Variants in DGKB observed in about 807,000 individuals in gnomAD.
DGKB encodes 90 kDa diacylglycerol kinase.
DGKB carries 67 observed loss-of-function variants against 114.3 expected under a neutral mutation model. The ratio of observed to expected loss-of-function variants is 0.59; its 90% confidence interval spans 0.48 to 0.72. The LOEUF (loss-of-function observed/expected upper bound fraction) is 0.72, where lower values mean the gene tolerates loss of function less well. Among genes scored for constraint, DGKB ranks in the 30% least tolerant of loss-of-function variants. DGKB has a pLI of 0.00. For missense variants in DGKB, 907 were observed against 975.2 expected, an observed-to-expected ratio of 0.93 and a Z score of 0.93; for synonymous variants, 398 against 323.1, an observed-to-expected ratio of 1.23 and a Z score of -2.49.
At chr7:14,726,061 CAG>C (rs917255469) in intron 5 of DGKB, among the ~76,000 whole-genome samples, 1 of 152,062 alleles carries the variant, frequency 6.6e-6, no homozygotes, top group African/African-American at 2.4e-5. Context: ...TCTAAGAAAA[CAG>C]AGGAGAGAAC....
intron 13 of DGKB, among the ~76,000 whole-genome samples, chr7:14,640,253 C>T (rs1179832832): frequency 6.6e-6 from 1 of 151,948 alleles, no homozygotes; most frequent in African/African-American, 2.4e-5. Flanking sequence ...TGACAAATGC[C>T]ATGAAAGGAG....
At chr7:14,332,170 C>T (rs749249500) in intron 23 of DGKB, among the ~76,000 whole-genome samples, 4 of 152,050 alleles carry the variant, frequency 2.6e-5, no homozygotes, top group Non-Finnish European at 5.9e-5. Flanking sequence ...TTGCTACGTA[C>T]TGGCCCCTAT....
At chr7:14,754,911 C>G (rs1165980840) in intron 3 of DGKB, among the ~76,000 whole-genome samples, 1 of 152,124 alleles carries the variant, frequency 6.6e-6, no homozygotes, top group African/African-American at 2.4e-5. Context: ...TTCCTCTCCC[C>G]TATGGCTTGG....
intron 1 of DGKB, among the ~76,000 whole-genome samples, chr7:14,930,032 G>T (rs1459564018): frequency 1.3e-5 from 2 of 151,988 alleles, no homozygotes; most frequent in African/African-American, 2.4e-5. Context: ...TCTTGGCTGA[G>T]AATATGTGGC....
At chr7:14,244,669 CAA>C (rs34364672) in intron 23 of DGKB, among the ~76,000 whole-genome samples, 3,592 of 46,122 alleles carry the variant, frequency 0.078, 20 homozygotes, top group East Asian at 0.13. Flanking sequence ...GACTCTGTCT[CAA>C]AAAAAAAAAA....
chr7:14,371,083 G>T (rs1583464919), intron 21 of DGKB, among the ~76,000 whole-genome samples: 1 of 152,124 alleles, frequency 6.6e-6, no homozygotes, highest in Non-Finnish European at 1.5e-5. Context: ...TGGGCACCTA[G>T]GTTGATTCCA....
At chr7:14,851,567 T>C (rs757731749) in intron 1 of DGKB, among the ~76,000 whole-genome samples, 5 of 152,180 alleles carry the variant, frequency 3.3e-5, no homozygotes, top group Non-Finnish European at 5.9e-5. Context: ...TCACATGGTC[T>C]TCAGGAACAC....
intron 23 of DGKB, among the ~76,000 whole-genome samples, chr7:14,279,426 G>A (rs1002145488): frequency 1.3e-5 from 2 of 152,190 alleles, no homozygotes; most frequent in Admixed American, 6.5e-5. Context: ...ACCTCTGGGG[G>A]CAGGGCACAG....
At chr7:14,917,664 A>G (rs1483525356) in intron 1 of DGKB, among the ~76,000 whole-genome samples, 1 of 151,950 alleles carries the variant, frequency 6.6e-6, no homozygotes, top group Non-Finnish European at 1.5e-5. Context: ...CCATTCCCAG[A>G]CAGTTTCATT....
intron 1 of DGKB, among the ~76,000 whole-genome samples, chr7:14,923,638 G>T (rs1784613187): frequency 6.6e-6 from 1 of 151,850 alleles, no homozygotes; most frequent in African/African-American, 2.4e-5. Context: ...ATTCATTCTT[G>T]CATTTCTCCA....
At chr7:14,363,279 C>T (rs1816076082) in intron 21 of DGKB, among the ~76,000 whole-genome samples, 2 of 152,130 alleles carry the variant, frequency 1.3e-5, no homozygotes, top group South Asian at 4.1e-4. Context: ...AGACACTGTG[C>T]TAAATACCAC....
At chr7:14,702,846 ATAAT>A (rs1261460273) in intron 6 of DGKB, among the ~76,000 whole-genome samples, 1 of 152,204 alleles carries the variant, frequency 6.6e-6, no homozygotes, top group Non-Finnish European at 1.5e-5. Context: ...AATAAGATGC[ATAAT>A]TAGTCTATAT....
intron 17 of DGKB, among the ~76,000 whole-genome samples, chr7:14,604,019 A>C (rs1804028321): frequency 6.6e-6 from 1 of 152,148 alleles, no homozygotes; most frequent in African/African-American, 2.4e-5. Context: ...TAGTGAAGGA[A>C]AACATATTGT....
intron 21 of DGKB, among the ~76,000 whole-genome samples, chr7:14,471,072 C>T (rs912626643): frequency 6.6e-5 from 10 of 150,526 alleles, no homozygotes; most frequent in African/African-American, 2.4e-4. Flanking sequence ...TTCTATTACT[C>T]TAGTCTGTGG....
chr7:14,866,211 T>C (rs932166327), intron 1 of DGKB, among the ~76,000 whole-genome samples: 3 of 152,148 alleles, frequency 2.0e-5, no homozygotes, highest in African/African-American at 7.2e-5. Flanking sequence ...CTTTTTAAAA[T>C]TCCCCACCAG....
At chr7:14,422,793 T>C (rs1826917022) in intron 21 of DGKB, among the ~76,000 whole-genome samples, 1 of 151,942 alleles carries the variant, frequency 6.6e-6, no homozygotes, top group Admixed American at 6.6e-5. Flanking sequence ...ATGAGCATGA[T>C]AATAATAATA....
At chr7:14,477,482 T>C (rs1563275050) in intron 21 of DGKB, among the ~76,000 whole-genome samples, 1 of 152,224 alleles carries the variant, frequency 6.6e-6, no homozygotes, top group Admixed American at 6.5e-5. Flanking sequence ...TCACTTCTTC[T>C]GCCCCACTTT....
intron 23 of DGKB, among the ~76,000 whole-genome samples, chr7:14,330,288 C>G (rs951234052): frequency 1.2e-4 from 18 of 151,880 alleles, no homozygotes; most frequent in African/African-American, 4.3e-4. Flanking sequence ...CAAAATGCGA[C>G]TGGTACTAAA....
chr7:14,874,227 G>C (rs1852915783), intron 1 of DGKB, among the ~76,000 whole-genome samples: 1 of 151,930 alleles, frequency 6.6e-6, no homozygotes, highest in Non-Finnish European at 1.5e-5. Flanking sequence ...TAAGTCTCAG[G>C]CTCTTTGGCT....
Sources: allele counts gnomAD v4.1 joint callset (sites outside exome capture counted in the v4.1 genomes callset), GRCh38; gene constraint gnomAD v4.1.1; transcripts MANE v1.5; gene names NCBI Gene and HGNC (gene_info 2026-07-23, HGNC 2026-07-21).